Variants in DHX15 observed in about 807,000 individuals in gnomAD.
DHX15 encodes the protein ATP-dependent RNA helicase DHX15.
Under a neutral mutation model 94.4 loss-of-function variants are expected in DHX15, and 11 were observed. That is an observed-to-expected ratio of 0.12 (90% confidence interval 0.07 to 0.19). The LOEUF is 0.19. DHX15 is among the 10% of genes least tolerant of loss of function. The pLI, the probability that DHX15 is intolerant of heterozygous loss-of-function variation, is 1.00. For missense variants in DHX15, 304 were observed against 988.5 expected, an observed-to-expected ratio of 0.31 and a Z score of 9.29; for synonymous variants, 338 against 329.9, an observed-to-expected ratio of 1.02 and a Z score of -0.27.
intron 3 of DHX15, chr4:24,563,553 G>T (rs1340688979): frequency 6.6e-6 from 1 of 152,172 alleles, no homozygotes; most frequent in Non-Finnish European, 1.5e-5. Flanking sequence ...AGAGTAAGTT[G>T]TTGATTCCAT....
At chr4:24,553,003 A>T (rs1223758050) in intron 5 of DHX15, among the ~76,000 whole-genome samples, 1 of 152,260 alleles carries the variant, frequency 6.6e-6, no homozygotes, top group Admixed American at 6.5e-5. Flanking sequence ...TCTGAGAATG[A>T]TGACAATTTT....
intron 2 of DHX15, among the ~76,000 whole-genome samples, chr4:24,573,516 A>C (rs1722170489): frequency 1.3e-5 from 2 of 152,060 alleles, no homozygotes; most frequent in South Asian, 4.1e-4. Flanking sequence ...ACTCCAATCC[A>C]TTCTTTATTT....
chr4:24,547,880 TCTC>T (rs1377288188), intron 6 of DHX15, among the ~76,000 whole-genome samples: 2 of 47,684 alleles, frequency 4.2e-5, no homozygotes, highest in East Asian at 1.3e-3. Flanking sequence ...TCTCTCTCTC[TCTC>T]TCTCTCTATG....
intron 10 of DHX15, 94 bp downstream of exon 10, chr4:24,540,014 A>T: frequency 1.1e-6 from 1 of 870,134 alleles, no homozygotes; most frequent in Non-Finnish European, 1.7e-6. Flanking sequence ...TATAAAATCC[A>T]CTATCATACT....
chr4:24,553,759 C>A (rs764455272), intron 5 of DHX15, among the ~76,000 whole-genome samples: 1 of 152,000 alleles, frequency 6.6e-6, no homozygotes, highest in African/African-American at 2.4e-5. Flanking sequence ...GCCTGGTTGA[C>A]AGAGCGCGAC....
chr4:24,563,105 A>C (rs1371719992), intron 3 of DHX15: 2 of 151,436 alleles, frequency 1.3e-5, no homozygotes, highest in Non-Finnish European at 2.9e-5. Flanking sequence ...TTTACAACTG[A>C]TCTTTCAGGT....
At chr4:24,533,367 A>T (rs1177512598) in intron 11 of DHX15, 2 of 382,214 alleles carry the variant, frequency 5.2e-6, no homozygotes, top group African/African-American at 4.1e-5. Flanking sequence ...TCTATCAGAT[A>T]AGGGAAGGCT....
intron 5 of DHX15, among the ~76,000 whole-genome samples, chr4:24,549,802 A>G (rs1721548392): frequency 6.6e-6 from 1 of 152,036 alleles, no homozygotes; most frequent in South Asian, 2.1e-4. Flanking sequence ...ATGGTATAAA[A>G]GATAAAAACC....
At chr4:24,544,839 A>G (rs1046582559) in intron 6 of DHX15, among the ~76,000 whole-genome samples, 2 of 152,218 alleles carry the variant, frequency 1.3e-5, no homozygotes, top group African/African-American at 4.8e-5. Context: ...TAGGCCAGGC[A>G]TGGTGGCTCA....
chr4:24,527,595 T>A lies in DHX15; in HGVS notation c.*329A>T, dbSNP rs1720987589. The A allele has an allele frequency of 5.0e-6, 1 of 199,808 alleles. No individual in the cohort carries two copies. Among genetic ancestry groups the A allele is most frequent in the Non-Finnish European group, 1.0e-5 (1 of 97,896 alleles). 12.4% of individuals were successfully genotyped at this position (199,808 alleles called of 1,614,324 possible). On this transcript the variant is annotated 3_prime_UTR_variant, in exon 14 of 14. Transcript: ENST00000336812. ...AAAGGAATGTCAACAATTACAACGA[T>A]CATGCATACCATGGTCGATAATCAC...
intron 1 of DHX15, among the ~76,000 whole-genome samples, chr4:24,582,715 A>C (rs1722443919): frequency 6.6e-6 from 1 of 152,208 alleles, no homozygotes; most frequent in Non-Finnish European, 1.5e-5. Flanking sequence ...GTAAACTTGC[A>C]CAAGCCACCT....
Position 24,560,907 on chromosome 4 carries a change from T to C in DHX15, c.702-4497A>G, listed in dbSNP as rs143544919. On this transcript the variant is annotated intron_variant, in intron 3 of 13. Coordinates refer to ENST00000336812, the MANE Select transcript of DHX15 (RefSeq NM_001358.3). ...TAATCCCATTTTTCACTTAACAAGATTGACAAAGATAAAAAGTTTTATAAT... is the reference window on the plus strand; with the variant it reads ...TAATCCCATTTTTCACTTAACAAGACTGACAAAGATAAAAAGTTTTATAAT... 1.5e-4 allele frequency among the ~76,000 whole-genome samples: 23 copies of C among 152,230 alleles called. 1 individual carries two copies. The East Asian group carries it at 3.7e-3, about 24-fold the overall frequency.
At chr4:24,551,653 T>C (rs1361203095) in intron 5 of DHX15, among the ~76,000 whole-genome samples, 2 of 152,162 alleles carry the variant, frequency 1.3e-5, no homozygotes, top group Non-Finnish European at 2.9e-5. Flanking sequence ...CTTTCAAATG[T>C]TGTATCTAGA....
chr4:24,567,532 G>A (rs1033209915), intron 3 of DHX15, among the ~76,000 whole-genome samples: 11 of 151,128 alleles, frequency 7.3e-5, no homozygotes. Context: ...AGCCGAGATC[G>A]TGCCACTGCA....
At chr4:24,571,382 G>A (rs752516815) in intron 2 of DHX15, among the ~76,000 whole-genome samples, 10 of 152,100 alleles carry the variant, frequency 6.6e-5, no homozygotes, top group Non-Finnish European at 1.0e-4. Flanking sequence ...TAGCACCTTA[G>A]GTACCATCTT....
rs935816378 is a variant in DHX15, at chr4:24,549,371, A to T, written c.1081-349T>A. On this transcript the variant is annotated intron_variant, in intron 5 of 13. Coordinates refer to ENST00000336812, the MANE Select transcript of DHX15 (RefSeq NM_001358.3). ...CACTCACGACCTTTTCAATTTTCAC[A>T]ATCTAAAAGAAATTGATGTGCTAGA... Among the ~76,000 whole-genome samples, 27 of 152,240 alleles carry T rather than the reference A, an allele frequency of 1.8e-4. 1 individual carries two copies. Among genetic ancestry groups the T allele is most frequent in the Non-Finnish European group, 3.7e-4 (25 of 68,056 alleles).
Position 24,553,756 on chromosome 4 carries a change from T to A in DHX15, c.1080+969A>T, listed in dbSNP as rs181424853. On this transcript the variant is annotated intron_variant, in intron 5 of 13. Coordinates refer to ENST00000336812, the MANE Select transcript of DHX15 (RefSeq NM_001358.3). Reference sequence around the variant, plus strand: ...TCATGCCACTGCGCTCCAGCCTGGTTGACAGAGCGCGACTCTGTCTTCCCT... The same window carrying A: ...TCATGCCACTGCGCTCCAGCCTGGTAGACAGAGCGCGACTCTGTCTTCCCT... 4.9e-4 allele frequency among the ~76,000 whole-genome samples: 75 copies of A among 152,110 alleles called. 1 individual carries two copies. In the East Asian group the frequency reaches 0.013, roughly 26 times the overall value.
chr4:24,577,640 T>C (rs1722302884), intron 1 of DHX15, among the ~76,000 whole-genome samples: 1 of 152,148 alleles, frequency 6.6e-6, no homozygotes, highest in Non-Finnish European at 1.5e-5. Flanking sequence ...AAGTAGTCAA[T>C]GCTGGTATCT....
chr4:24,562,131 C>CA (rs71196191), intron 3 of DHX15, among the ~76,000 whole-genome samples: 37,987 of 77,258 alleles, frequency 0.49, 11,090 homozygotes, highest in South Asian at 0.7. Context: ...GACACTGTCT[C>CA]AAAAAAAAAA....
Sources: allele counts gnomAD v4.1 joint callset (sites outside exome capture counted in the v4.1 genomes callset), GRCh38; gene constraint gnomAD v4.1.1; transcripts MANE v1.5; gene names NCBI Gene and HGNC (gene_info 2026-07-23, HGNC 2026-07-21).